CMIP: variants seen among roughly 807,000 people sequenced by gnomAD.
CMIP encodes C-Maf-inducing protein.
In CMIP, 13 loss-of-function variants were observed where a neutral mutation model predicts 97.3. The observed-to-expected ratio is 0.13, with a 90% CI of 0.09 to 0.21. CMIP has a LOEUF of 0.21. CMIP is among the 10% of genes least tolerant of loss of function. CMIP has a pLI of 1.00. For missense variants in CMIP, 847 were observed against 1,024.9 expected, an observed-to-expected ratio of 0.83 and a Z score of 2.37; for synonymous variants, 538 against 436.3, an observed-to-expected ratio of 1.23 and a Z score of -2.91.
rs2092583949 is a variant in CMIP at position 81,664,651 on chromosome 16, C to T, written c.825+302C>T. Reference sequence around the variant, plus strand: ...AAATAATGTCTGTAGATGCCCTGCCCTCAAGGACCCAGAGCGCGACTTTGC... The same window carrying T: ...AAATAATGTCTGTAGATGCCCTGCCTTCAAGGACCCAGAGCGCGACTTTGC... On this transcript the variant is annotated intron_variant, in intron 7 of 20. Transcript: ENST00000537098. The T allele has an allele frequency of 5.3e-6, 3 of 566,950 alleles. No homozygotes were observed. The African/African-American group carries it at 5.6e-5, about 11-fold the overall frequency. The allele number at this position is 566,950 out of a possible 1,614,324, so 35.1% of individuals were successfully genotyped here.
intron 1 of CMIP, among the ~76,000 whole-genome samples, chr16:81,526,002 G>C (rs71388366): frequency 1.8e-4 from 1 of 5,704 alleles, no homozygotes; most frequent in African/African-American, 1.6e-3. Context: ...GTGTGTGTGT[G>C]TGTGTCTGTG....
In CMIP at chr16:81,655,630, C is replaced by T. The variant is rs149830013; in HGVS notation, c.640-2145C>T. 8.5e-5 allele frequency among the ~76,000 whole-genome samples: 13 copies of T among 152,236 alleles called. No individual in the cohort carries two copies. In the East Asian group the frequency reaches 2.5e-3, roughly 29 times the overall value. Reference sequence around the variant, plus strand: ...TGATGTCCGTGGTCGCCAAAGCCTTCCTGGAAAGGTGCGTGGGTGGCGGCG... The same window carrying T: ...TGATGTCCGTGGTCGCCAAAGCCTTTCTGGAAAGGTGCGTGGGTGGCGGCG... On this transcript the variant is annotated intron_variant, in intron 4 of 20. Coordinates refer to ENST00000537098, the MANE Select transcript of CMIP (RefSeq NM_198390.3). This position sits in a 1 kb window ranked among gnomAD's most constrained non-coding sequence, Gnocchi z 4.9.
At chr16:81,556,748 A>G (rs1006828789) in intron 1 of CMIP, among the ~76,000 whole-genome samples, 6 of 152,248 alleles carry the variant, frequency 3.9e-5, no homozygotes, top group Non-Finnish European at 8.8e-5. Flanking sequence ...AAATGGCTAA[A>G]TTGGACATCA....
intron 1 of CMIP, among the ~76,000 whole-genome samples, chr16:81,469,613 A>ATGT (rs1376758097): frequency 2.6e-5 from 4 of 152,206 alleles, no homozygotes; most frequent in Non-Finnish European, 5.9e-5. Flanking sequence ...AGGGCAGGTG[A>ATGT]CGTCAGGCTT....
chr16:81,526,479 CCCCA>C (rs1270545966), intron 1 of CMIP, among the ~76,000 whole-genome samples: 16 of 152,126 alleles, frequency 1.1e-4, no homozygotes, highest in Non-Finnish European at 1.8e-4. Flanking sequence ...TTCATCAGTA[CCCCA>C]AAGTTACAGT....
intron 1 of CMIP, chr16:81,464,408 T>C (rs1907077622): frequency 6.6e-6 from 1 of 152,218 alleles, no homozygotes; most frequent in Non-Finnish European, 1.5e-5. Flanking sequence ...CCAGTCGCTG[T>C]CCCTACCCCG....
chr16:81,593,844 C>T (rs185597360), intron 1 of CMIP, among the ~76,000 whole-genome samples: 46 of 152,284 alleles, frequency 3.0e-4, no homozygotes, highest in South Asian at 6.2e-4. Flanking sequence ...AGATGCTCAC[C>T]TGTGCTGAGC....
chr16:81,709,221 G>A (rs1346474783), intron 20 of CMIP, among the ~76,000 whole-genome samples: 4 of 152,112 alleles, frequency 2.6e-5, no homozygotes, highest in Admixed American at 1.3e-4. Context: ...TGGGATCCAC[G>A]TCACTCACCC....
chr16:81,643,927 C>T (rs2092334657), intron 3 of CMIP, among the ~76,000 whole-genome samples: 1 of 152,000 alleles, frequency 6.6e-6, no homozygotes, highest in African/African-American at 2.4e-5. Context: ...TTTCTCAGGC[C>T]AGAGTGATGG....
At chr16:81,638,027 A>G (rs1597177837) in intron 3 of CMIP, among the ~76,000 whole-genome samples, 1 of 150,226 alleles carries the variant, frequency 6.7e-6, no homozygotes, top group African/African-American at 2.5e-5. Flanking sequence ...ACCTCCTAAC[A>G]CCCCCCCCAC....
At chr16:81,607,243 G>A (rs1042618663) in intron 1 of CMIP, among the ~76,000 whole-genome samples, 7 of 152,202 alleles carry the variant, frequency 4.6e-5, no homozygotes, top group South Asian at 2.1e-4. Context: ...GAGGGATGGC[G>A]GGCTTCCAGC....
intron 10 of CMIP, among the ~76,000 whole-genome samples, chr16:81,689,386 A>G (rs1010130667): frequency 5.9e-5 from 9 of 152,220 alleles, no homozygotes; most frequent in African/African-American, 2.2e-4. Context: ...TGTGGTTTTC[A>G]TTTGCATTTC....
chr16:81,467,300 G>A (rs1048775163), intron 1 of CMIP, among the ~76,000 whole-genome samples: 6 of 152,166 alleles, frequency 3.9e-5, no homozygotes, highest in Non-Finnish European at 8.8e-5. Context: ...CTTCTGCCCC[G>A]TTGGGAAGGT....
At chr16:81,455,150 C>T (rs56135185) in intron 1 of CMIP, among the ~76,000 whole-genome samples, 27,981 of 152,188 alleles carry the variant, frequency 0.18, 3,237 homozygotes, top group Admixed American at 0.3. Context: ...ACTGGCCGGC[C>T]AGCCGGGAGC....
intron 3 of CMIP, among the ~76,000 whole-genome samples, chr16:81,625,685 C>T (rs187385326): frequency 6.6e-6 from 1 of 152,346 alleles, no homozygotes; most frequent in African/African-American, 2.4e-5. Context: ...TGTGAACAGG[C>T]CCAGGTGACA....
At chr16:81,597,762 G>T (rs1252892215) in intron 1 of CMIP, among the ~76,000 whole-genome samples, 1 of 152,150 alleles carries the variant, frequency 6.6e-6, no homozygotes, top group Non-Finnish European at 1.5e-5. Flanking sequence ...ACACTCAACT[G>T]TCAAAGATGC....
At chr16:81,657,458 T>C (rs2092496616) in intron 4 of CMIP, among the ~76,000 whole-genome samples, 1 of 152,178 alleles carries the variant, frequency 6.6e-6, no homozygotes, top group Non-Finnish European at 1.5e-5. Context: ...CAATAGCCTA[T>C]TGAGGTTACT....
rs1278370600 is a variant in CMIP, at chr16:81,577,268, CCACCATCAT to C, written c.301-30290_301-30282del. ...TACATTATTATCACTATCACCATCACCACCATCATCACCATCACCTTCATCACCACCATC... is the reference window on the plus strand; with the variant it reads ...TACATTATTATCACTATCACCATCACCACCATCACCTTCATCACCACCATC... On this transcript the variant is annotated intron_variant, in intron 1 of 20. Transcript: ENST00000537098. 7.2e-5 allele frequency among the ~76,000 whole-genome samples: 9 copies of C among 124,146 alleles called. No homozygotes were observed. The East Asian group carries it at 2.1e-3, about 30-fold the overall frequency. 81.4% of individuals were successfully genotyped at this position (124,146 alleles called of 152,430 possible). A position where few individuals can be genotyped will look rare whatever the true frequency, so the allele number is the denominator to read the frequency against.
chr16:81,577,430 AC>A (rs2091213056), intron 1 of CMIP, among the ~76,000 whole-genome samples: 2 of 94,228 alleles, frequency 2.1e-5, no homozygotes, highest in Admixed American at 2.1e-4. Flanking sequence ...TATCACCATC[AC>A]CATCATAACC....
Sources: gnomAD v4.1 joint callset for allele counts (sites outside exome capture counted in the v4.1 genomes callset) on GRCh38, gnomAD v4.1.1 for gene constraint, Gnocchi (gnomAD v3.1) non-coding constraint, MANE v1.5 for transcripts, NCBI Gene and HGNC (gene_info 2026-07-23, HGNC 2026-07-21) for gene names.